Variants in RNF17 observed in about 807,000 individuals in gnomAD.
RNF17 encodes the protein spermatogenesis associated 23.
RNF17 carries 31 observed loss-of-function variants against 200.5 expected under a neutral mutation model. The ratio of observed to expected loss-of-function variants is 0.15; its 90% CI spans 0.12 to 0.21. RNF17 has a LOEUF of 0.21. RNF17 is among the 10% of genes least tolerant of loss of function. RNF17 has a pLI of 1.00. For synonymous variants in RNF17, 606 were observed against 637.8 expected, an observed-to-expected ratio of 0.95 and a Z score of 0.75; for missense variants, 1,628 against 1,905.1, an observed-to-expected ratio of 0.85 and a Z score of 2.71.
intron 5 of RNF17, 120 bp from the exon 6 acceptor site, chr13:24,781,724 T>G (rs1050769696): frequency 1.6e-6 from 1 of 634,084 alleles, no homozygotes; most frequent in Admixed American, 3.0e-5. Context: ...TATTATTATC[T>G]CTTTACCTCT....
chr13:24,819,043 T>TA (rs749507816), intron 15 of RNF17, among the ~76,000 whole-genome samples: 4 of 152,158 alleles, frequency 2.6e-5, no homozygotes, highest in Non-Finnish European at 1.5e-5. Flanking sequence ...GTAATTGTGT[T>TA]AAAAAACACA....
downstream of RNF17, chr13:24,884,143 G>T (rs748813774): frequency 6.2e-7 from 1 of 1,613,210 alleles, no homozygotes; most frequent in Admixed American, 1.7e-5. Context: ...TTAATGAGAG[G>T]GTGGAGCAAG....
intron 28 of RNF17, among the ~76,000 whole-genome samples, chr13:24,863,503 G>A (rs1335392012): frequency 6.6e-6 from 1 of 152,204 alleles, no homozygotes; most frequent in African/African-American, 2.4e-5. Context: ...TTTCTGAGCA[G>A]TGAGGTAATA....
chr13:24,787,597 A>G (rs917051326), intron 6 of RNF17, among the ~76,000 whole-genome samples: 4 of 152,042 alleles, frequency 2.6e-5, no homozygotes, highest in Non-Finnish European at 5.9e-5. Context: ...GGCTTTTTCA[A>G]TTCCCCTGTA....
chr13:24,858,456 A>G (rs184955286), intron 25 of RNF17, among the ~76,000 whole-genome samples: 147 of 152,148 alleles, frequency 9.7e-4, no homozygotes, highest in African/African-American at 3.4e-3. Flanking sequence ...TGGTGGTATT[A>G]TGGAAGGATA....
At chr13:24,782,608 G>T (rs1421892642) in intron 6 of RNF17, among the ~76,000 whole-genome samples, 4 of 151,346 alleles carry the variant, frequency 2.6e-5, no homozygotes, top group Non-Finnish European at 5.9e-5. Flanking sequence ...GCTGAGATGG[G>T]GGGGGGATCT....
chr13:24,803,257 A>G (rs1300701770), intron 14 of RNF17, among the ~76,000 whole-genome samples: 2 of 152,182 alleles, frequency 1.3e-5, no homozygotes, highest in Non-Finnish European at 1.5e-5. Flanking sequence ...TATTCAATGT[A>G]TGAATCTAGA....
chr13:24,828,791 ATT>A (rs879587907), intron 16 of RNF17, among the ~76,000 whole-genome samples: 2 of 142,184 alleles, frequency 1.4e-5, no homozygotes, highest in Admixed American at 7.0e-5. Flanking sequence ...TGTTAGTTTG[ATT>A]TTTTTTTTTT....
At chr13:24,749,783 T>C in the RNF17 span, among the ~76,000 whole-genome samples, 1 of 152,208 alleles carries the variant, frequency 6.6e-6, no homozygotes, top group African/African-American at 2.4e-5. Flanking sequence ...GGAGTCTGTC[T>C]CTTTCGCCCA....
chr13:24,885,097 G>A, the RNF17 span, among the ~76,000 whole-genome samples: 3 of 152,180 alleles, frequency 2.0e-5, no homozygotes, highest in Non-Finnish European at 4.4e-5. Context: ...CAAAGGCTTT[G>A]GAGTAAGAAC....
chr13:24,756,200 T>C, the RNF17 span, among the ~76,000 whole-genome samples: 9,701 of 152,188 alleles, frequency 0.064, 384 homozygotes, highest in East Asian at 0.17. Context: ...AATAATGTCA[T>C]AAAAATATGG....
intron 15 of RNF17, chr13:24,824,458 A>C (rs1025797958): frequency 3.0e-6 from 1 of 333,648 alleles, no homozygotes; most frequent in African/African-American, 2.1e-5. Context: ...CATTATACTC[A>C]CAAGAAAAAA....
chr13:24,877,297 C>T (rs540105361), intron 34 of RNF17, 111 bp downstream of exon 34: 1 of 783,060 alleles, frequency 1.3e-6, no homozygotes, highest in Non-Finnish European at 2.1e-6. Context: ...AAAGCATATA[C>T]AGCTATATAG....
At chr13:24,824,135 A>G in intron 15 of RNF17, 2 of 704,212 alleles carry the variant, frequency 2.8e-6, no homozygotes. Flanking sequence ...CCTACCATTT[A>G]GAAAATTGCT....
chr13:24,760,132 CT>C (rs1878593671), upstream of RNF17, among the ~76,000 whole-genome samples: 1 of 152,072 alleles, frequency 6.6e-6, no homozygotes. Flanking sequence ...CAGAGCAAGA[CT>C]CCATCTCAAA....
At chr13:24,865,914 TTATAA>T (rs1230186985) in intron 29 of RNF17, among the ~76,000 whole-genome samples, 1 of 152,192 alleles carries the variant, frequency 6.6e-6, no homozygotes, top group African/African-American at 2.4e-5. Flanking sequence ...ACTCCCACTC[TTATAA>T]TAAATGAATT....
intron 9 of RNF17, among the ~76,000 whole-genome samples, chr13:24,790,234 G>A (rs1484666236): frequency 1.3e-5 from 2 of 151,732 alleles, no homozygotes; most frequent in East Asian, 3.8e-4. Context: ...AAGTAGAAAG[G>A]AGGAGAAAAA....
At chr13:24,774,303 A>G (rs1881241690) in intron 2 of RNF17, among the ~76,000 whole-genome samples, 1 of 152,030 alleles carries the variant, frequency 6.6e-6, no homozygotes. Flanking sequence ...CTGCCTCGCC[A>G]GGTTCAAGCA....
chr13:24,870,776 A>T, intron 32 of RNF17, 37 bp downstream of exon 32: 1 of 1,578,134 alleles, frequency 6.3e-7, no homozygotes, highest in East Asian at 2.2e-5. Context: ...AGGATACTTA[A>T]TAAAACTTGG....
Sources: gnomAD v4.1 joint callset for allele counts (sites outside exome capture counted in the v4.1 genomes callset) on GRCh38, gnomAD v4.1.1 for gene constraint, MANE v1.5 for transcripts, NCBI Gene and HGNC (gene_info 2026-07-23, HGNC 2026-07-21) for gene names.